The following GLRA2 variants were observed in gnomAD, a reference collection of about 807,000 sequenced individuals.
The protein encoded by GLRA2 is glycine receptor alpha 2, also known as glycine receptor subunit alpha-2.
Under a neutral mutation model 31.6 loss-of-function variants are expected in GLRA2, and 11 were observed. That is an observed-to-expected ratio of 0.35 (90% confidence interval 0.22 to 0.58). GLRA2 has a LOEUF of 0.58. Among genes scored for constraint, GLRA2 ranks in the 20% least tolerant of loss-of-function variants. The pLI is 0.84. For missense variants in GLRA2, 212 were observed against 351.8 expected, an observed-to-expected ratio of 0.60 and a Z score of 3.18; for synonymous variants, 132 against 134.0, an observed-to-expected ratio of 0.99 and a Z score of 0.10.
the GLRA2 span, among the ~76,000 whole-genome samples, chrX:14,515,022 T>A: frequency 3.6e-5 from 4 of 111,865 alleles, no homozygotes; most frequent in African/African-American, 1.3e-4. Context: ...CTTCCTGAAA[T>A]AGTCTTTTAC....
At chrX:14,504,100 T>A in the GLRA2 span, among the ~76,000 whole-genome samples, 27 of 112,023 alleles carry the variant, frequency 2.4e-4, no homozygotes, top group African/African-American at 8.7e-4. Context: ...ATTAATAGAT[T>A]TTCTTCCCCA....
At chrX:14,645,272 T>C (rs1225669866) in intron 7 of GLRA2, among the ~76,000 whole-genome samples, 1 of 111,860 alleles carries the variant, frequency 8.9e-6, no homozygotes, top group Non-Finnish European at 1.9e-5. Flanking sequence ...ACAAACCCTC[T>C]TTACATACAG....
chrX:14,467,612 A>G, the GLRA2 span, among the ~76,000 whole-genome samples: 1 of 112,058 alleles, frequency 8.9e-6, no homozygotes, highest in Non-Finnish European at 1.9e-5. Flanking sequence ...ACCAGGAAAA[A>G]CATTCCAAGT....
the GLRA2 span, among the ~76,000 whole-genome samples, chrX:14,475,062 A>G: frequency 2.7e-5 from 3 of 111,724 alleles, no homozygotes; most frequent in African/African-American, 9.8e-5. Flanking sequence ...TAGATGGCTC[A>G]CCCATTATGT....
intron 5 of GLRA2, among the ~76,000 whole-genome samples, chrX:14,605,849 C>T (rs759579221): frequency 3.6e-5 from 4 of 111,185 alleles, no homozygotes; most frequent in East Asian, 2.8e-4. Context: ...TGGTGGCCAA[C>T]GAGAAGCTCA....
chrX:14,589,579 G>A (rs1378977508), intron 4 of GLRA2, among the ~76,000 whole-genome samples: 9 of 106,435 alleles, frequency 8.5e-5, no homozygotes, highest in African/African-American at 3.1e-4. Flanking sequence ...GCTGAGACAG[G>A]AGAATCACTG....
the GLRA2 span, among the ~76,000 whole-genome samples, chrX:14,519,296 A>G: frequency 9.0e-6 from 1 of 111,688 alleles, no homozygotes; most frequent in African/African-American, 3.3e-5. Flanking sequence ...AGAAATGAGT[A>G]ATGGGAACAG....
chrX:14,607,917 T>G (rs928317056), intron 6 of GLRA2, among the ~76,000 whole-genome samples: 14 of 110,835 alleles, frequency 1.3e-4, no homozygotes, highest in African/African-American at 4.6e-4. Flanking sequence ...TCTGGAAGAT[T>G]TTACCTGTCC....
the GLRA2 span, among the ~76,000 whole-genome samples, chrX:14,459,874 G>A: frequency 9.0e-6 from 1 of 111,720 alleles, no homozygotes; most frequent in South Asian, 3.8e-4. Flanking sequence ...GCTTTCTCTT[G>A]CCTGACTGCC....
At chrX:14,658,554 G>A (rs1206513671) in intron 7 of GLRA2, among the ~76,000 whole-genome samples, 1 of 111,180 alleles carries the variant, frequency 9.0e-6, no homozygotes, top group Non-Finnish European at 1.9e-5. Context: ...CTCATTCCAG[G>A]TTTGATTTGC....
chrX:14,634,012 G>A (rs945248837), intron 7 of GLRA2, among the ~76,000 whole-genome samples: 5 of 111,511 alleles, frequency 4.5e-5, no homozygotes, highest in East Asian at 2.8e-4. Flanking sequence ...GCAATAGTAC[G>A]ATCTTGGCTC....
chrX:14,642,595 A>AT (rs111796358), intron 7 of GLRA2, among the ~76,000 whole-genome samples: 2,376 of 103,452 alleles, frequency 0.023, 23 homozygotes, highest in East Asian at 0.038. Context: ...TCTGGTCATG[A>AT]TTTTTTTTTT....
intron 8 of GLRA2, among the ~76,000 whole-genome samples, chrX:14,693,771 G>A (rs968293490): frequency 1.8e-5 from 2 of 111,509 alleles, no homozygotes; most frequent in African/African-American, 3.2e-5. Flanking sequence ...AAAATCAATG[G>A]TACAAAGATA....
At chrX:14,509,367 TGTTTA>T in the GLRA2 span, among the ~76,000 whole-genome samples, 2 of 112,988 alleles carry the variant, frequency 1.8e-5, no homozygotes, top group Admixed American at 1.9e-4. Flanking sequence ...CTAACAACAG[TGTTTA>T]GTTTAAGTAA....
intron 8 of GLRA2, among the ~76,000 whole-genome samples, chrX:14,711,321 G>T (rs2091706433): frequency 8.9e-6 from 1 of 112,123 alleles, no homozygotes; most frequent in Non-Finnish European, 1.9e-5. Context: ...CAGTGACCCA[G>T]GGACAACTGT....
intron 2 of GLRA2, among the ~76,000 whole-genome samples, chrX:14,560,180 A>G (rs1471039274): frequency 2.7e-5 from 3 of 112,623 alleles, no homozygotes; most frequent in African/African-American, 9.7e-5. Flanking sequence ...TAATTTCTGT[A>G]TATGTCAAGC....
intron 2 of GLRA2, among the ~76,000 whole-genome samples, chrX:14,564,324 G>GA (rs768523339): frequency 0.029 from 2,981 of 101,852 alleles, 99 homozygotes; most frequent in African/African-American, 0.096. Flanking sequence ...AGTGCTGAGA[G>GA]AAAAAAAAAA....
chrX:14,589,474 A>G (rs770980771), intron 4 of GLRA2, among the ~76,000 whole-genome samples: 1 of 98,498 alleles, frequency 1.0e-5, no homozygotes, highest in Non-Finnish European at 2.0e-5. Context: ...CCTGGCCAAA[A>G]TGGTGAAACC....
chrX:14,454,221 C>A, the GLRA2 span, among the ~76,000 whole-genome samples: 2,058 of 101,935 alleles, frequency 0.02, 70 homozygotes, highest in African/African-American at 0.064. Context: ...CACACACACA[C>A]GCACACATAC....
Sources: gnomAD v4.1 joint callset for allele counts (sites outside exome capture counted in the v4.1 genomes callset) on GRCh38, gnomAD v4.1.1 for gene constraint, MANE v1.5 for transcripts, NCBI Gene and HGNC (gene_info 2026-07-23, HGNC 2026-07-21) for gene names.